Variants in PTPRN2 observed in about 807,000 individuals in gnomAD.
PTPRN2 encodes the protein receptor-type tyrosine-protein phosphatase N2.
Under a neutral mutation model 118.8 loss-of-function variants are expected in PTPRN2, and 74 were observed. The ratio of observed to expected loss-of-function variants is 0.62; its 90% CI spans 0.52 to 0.76. PTPRN2 has a LOEUF of 0.76. PTPRN2 is among the 30% of genes least tolerant of loss of function. The probability of loss-of-function intolerance (pLI) is 0.00; values close to 1 mark genes in which losing one functional copy is unlikely to be tolerated. For synonymous variants in PTPRN2, 641 were observed against 608.0 expected (o/e 1.05, Z -0.80); for missense variants, 1,481 against 1,394.4 (o/e 1.06, Z -0.99).
chr7:158,464,522 A>G (rs1010942254), intron 2 of PTPRN2, among the ~76,000 whole-genome samples: 1 of 149,236 alleles, frequency 6.7e-6, no homozygotes, highest in African/African-American at 2.5e-5. Flanking sequence ...CATCACCATC[A>G]TCATCCTTAC....
At chr7:157,816,439 G>A (rs1806405413) in intron 12 of PTPRN2, among the ~76,000 whole-genome samples, 1 of 152,250 alleles carries the variant, frequency 6.6e-6, no homozygotes, top group Admixed American at 6.5e-5. Context: ...CAGAGGCCGA[G>A]CCAGCCTGGA....
intron 11 of PTPRN2, among the ~76,000 whole-genome samples, chr7:158,063,566 C>A (rs1386892487): frequency 6.6e-6 from 1 of 152,194 alleles, no homozygotes; most frequent in Non-Finnish European, 1.5e-5. Flanking sequence ...CTGCTCTTTG[C>A]AGTAAATCTT....
intron 11 of PTPRN2, among the ~76,000 whole-genome samples, chr7:157,910,457 G>A (rs955820934): frequency 7.2e-5 from 10 of 139,808 alleles, no homozygotes; most frequent in African/African-American, 2.7e-4. Flanking sequence ...ACGTACGCCG[G>A]ATCACGCACG....
rs1250204503 is a variant in PTPRN2 at position 158,525,863 on chromosome 7, G to A, written c.113-36078C>T. 6.6e-6 allele frequency among the ~76,000 whole-genome samples: 1 copy of A among 152,128 alleles called. No individual in the cohort carries two copies. The highest frequency in any genetic ancestry group is 1.5e-5 in the Non-Finnish European group (1 of 68,038). On this transcript the variant is annotated intron_variant, in intron 1 of 22. Coordinates refer to ENST00000389418, the MANE Select transcript of PTPRN2 (RefSeq NM_002847.5). The surrounding 1 kb of genome is among the most constrained non-coding windows in gnomAD (Gnocchi z 4.1). ...AAGAGGAAAGCCCCGATGATACAGG[G>A]TGAAGACGCCTCCCCTCACAGACCT...
chr7:157,713,520 T>G (rs1798755349), intron 12 of PTPRN2, among the ~76,000 whole-genome samples: 1 of 152,154 alleles, frequency 6.6e-6, no homozygotes, highest in Non-Finnish European at 1.5e-5. Context: ...ACTTGTGATG[T>G]CAACAGCCGT....
At position 158,572,424 on chromosome 7, in the gene PTPRN2, T is replaced by A. The variant is rs79834597; in HGVS notation, c.112+15134A>T. Reference sequence around the variant, plus strand: ...TAGCGGCTGAGGATTCCAGCAGCCCTGACAGCCCTGACCCACCAGGGCACT... The same window carrying A: ...TAGCGGCTGAGGATTCCAGCAGCCCAGACAGCCCTGACCCACCAGGGCACT... On this transcript the variant is annotated intron_variant, in intron 1 of 22. Transcript: ENST00000389418. Among the ~76,000 whole-genome samples, 60 of 152,326 alleles carry A rather than the reference T, an allele frequency of 3.9e-4. 3 individuals carry two copies. Among genetic ancestry groups the A allele is most frequent in the South Asian group, 3.9e-3 (19 of 4,826 alleles).
In PTPRN2 at chr7:157,903,634, T is replaced by C. The variant is rs991882582; in HGVS notation, c.1724-4897A>G. ...GCAAACAACCTGAATTAGTGTTTGG[T>C]TTTTTCTTTTTCCTTTTTTTTTTTT... On this transcript the variant is annotated intron_variant, in intron 11 of 22. Transcript: ENST00000389418. This position sits in a 1 kb window ranked among gnomAD's most constrained non-coding sequence, Gnocchi z 4.2. Among the ~76,000 whole-genome samples, 1 of 141,568 alleles carries C rather than the reference T, an allele frequency of 7.1e-6. No individual in the cohort carries two copies. Among genetic ancestry groups the C allele is most frequent in the Non-Finnish European group, 1.5e-5 (1 of 64,708 alleles). 92.9% of individuals were successfully genotyped at this position (141,568 alleles called of 152,430 possible). A position where few individuals can be genotyped will look rare whatever the true frequency, so the allele number is the denominator to read the frequency against.
chr7:158,245,471 C>T (rs555063655), intron 3 of PTPRN2, among the ~76,000 whole-genome samples: 36 of 152,328 alleles, frequency 2.4e-4, no homozygotes, highest in African/African-American at 7.7e-4. Context: ...GCCATCTCCA[C>T]GCACTTCTCA....
chr7:158,263,141 TCA>T (rs1218016249), intron 3 of PTPRN2, among the ~76,000 whole-genome samples: 1 of 137,284 alleles, frequency 7.3e-6, no homozygotes, highest in African/African-American at 2.7e-5. Context: ...ATACACACAT[TCA>T]CACACTGCAC....
rs1476828165 is a variant in PTPRN2, at chr7:158,043,852, T to G, written c.1723+37446A>C. 2.0e-5 allele frequency among the ~76,000 whole-genome samples: 3 copies of G among 152,196 alleles called. No individual in the cohort carries two copies. In the East Asian group the frequency reaches 5.8e-4, roughly 29 times the overall value. On this transcript the variant is annotated intron_variant, in intron 11 of 22. Coordinates refer to ENST00000389418, the MANE Select transcript of PTPRN2 (RefSeq NM_002847.5). The stretch of plus-strand genomic sequence containing the variant: ...CGAGAGGGGAGAAGCGCACAGACCA[T>G]CCTGCACAGTTGGCTCAGCATTTAG...
At chr7:158,155,739 C>CG (rs1563529872) in intron 6 of PTPRN2, among the ~76,000 whole-genome samples, 1 of 64,658 alleles carries the variant, frequency 1.5e-5, no homozygotes, top group African/African-American at 4.4e-5. Context: ...ACCATCATCA[C>CG]CATCATCACC....
chr7:158,415,184 C>A (rs1814553683), intron 2 of PTPRN2, among the ~76,000 whole-genome samples: 1 of 152,222 alleles, frequency 6.6e-6, no homozygotes, highest in Non-Finnish European at 1.5e-5. Context: ...CAACTCCCTG[C>A]TTCCCAATTA....
At chr7:158,391,169 G>T (rs966345438) in intron 2 of PTPRN2, among the ~76,000 whole-genome samples, 1 of 152,212 alleles carries the variant, frequency 6.6e-6, no homozygotes. Context: ...TAACCCAGCA[G>T]CTGCTGCTCC....
Position 157,998,069 on chromosome 7 carries a change from G to C in PTPRN2, c.1723+83229C>G, listed in dbSNP as rs868811129. ...GGTGGGGGGAGAGGAGTGCAGGGTGGGGGGAGAGGAGTGCAGGGGAGAGGA... is the reference window on the plus strand; with the variant it reads ...GGTGGGGGGAGAGGAGTGCAGGGTGCGGGGAGAGGAGTGCAGGGGAGAGGA... On this transcript the variant is annotated intron_variant, in intron 11 of 22. Transcript: ENST00000389418. Among the ~76,000 whole-genome samples the C allele has an allele frequency of 2.0e-3, 214 of 109,420 alleles. 1 individual carries two copies. The highest frequency in any genetic ancestry group is 6.0e-3 in the African/African-American group (161 of 27,034). 71.8% of individuals were successfully genotyped at this position (109,420 alleles called of 152,430 possible). A position where few individuals can be genotyped will look rare whatever the true frequency, so the allele number is the denominator to read the frequency against.
At chr7:157,688,605 C>A (rs1448690390) in intron 12 of PTPRN2, among the ~76,000 whole-genome samples, 1 of 152,238 alleles carries the variant, frequency 6.6e-6, no homozygotes, top group African/African-American at 2.4e-5. Flanking sequence ...GCGCCTTCCA[C>A]ACCAGGTGCT....
At chr7:157,548,425 C>T (rs559445150) in intron 22 of PTPRN2, among the ~76,000 whole-genome samples, 8 of 152,278 alleles carry the variant, frequency 5.3e-5, no homozygotes, top group African/African-American at 1.7e-4. Flanking sequence ...GTCAACCTCA[C>T]GTCCAGTTCT....
At chr7:158,010,130 C>G (rs1805937027) in intron 11 of PTPRN2, among the ~76,000 whole-genome samples, 1 of 152,198 alleles carries the variant, frequency 6.6e-6, no homozygotes, top group Non-Finnish European at 1.5e-5. Flanking sequence ...CCTGCTTACT[C>G]CGGCATCCCC....
At chr7:158,545,491 C>G (rs1826225410) in intron 1 of PTPRN2, among the ~76,000 whole-genome samples, 1 of 152,194 alleles carries the variant, frequency 6.6e-6, no homozygotes. Context: ...ATGTGGGTCA[C>G]TTTTCCACCC....
At chr7:158,010,740 T>A (rs4716529) in intron 11 of PTPRN2, among the ~76,000 whole-genome samples, 87,013 of 152,012 alleles carry the variant, frequency 0.57, 26,389 homozygotes, top group East Asian at 0.81. Flanking sequence ...GTCTATTTTT[T>A]AAAAAAGTAT....
Sources: gnomAD v4.1 joint callset for allele counts (sites outside exome capture counted in the v4.1 genomes callset) on GRCh38, gnomAD v4.1.1 for gene constraint, Gnocchi (gnomAD v3.1) non-coding constraint, MANE v1.5 for transcripts, NCBI Gene and HGNC (gene_info 2026-07-23, HGNC 2026-07-21) for gene names.